Variants in RPL9 observed in about 807,000 individuals in gnomAD.
The protein encoded by RPL9 is large ribosomal subunit protein uL6.
For missense variants in RPL9, 149 were observed against 236.7 expected, an observed-to-expected ratio of 0.63 and a Z score of 2.43; for synonymous variants, 82 against 77.1, an observed-to-expected ratio of 1.06 and a Z score of -0.33.
rs1428032893 is a variant in RPL9, at chr4:39,454,907, T to C, written c.429A>G (p.Glu143=). 3.1e-6 allele frequency: 5 copies of C among 1,613,990 alleles called. No individual in the cohort carries two copies. The highest frequency in any genetic ancestry group is 4.2e-6 in the Non-Finnish European group (5 of 1,180,012). The change falls in exon 6 of 8, where the codon GAA becomes GAG. Residue 143 remains glutamate (E), a synonymous_variant. Transcript: ENST00000295955. ...ACSVSQAQKD[E]LILEGNDIEL... ...CAATGTCATTTCCTTCAAGGATTAA[T>C]TCATCTTTCTGGGCTTGAGATACTG...
chr4:39,456,624 T>G, intron 4 of RPL9, 86 bp from the exon 5 acceptor site: 4 of 1,438,594 alleles, frequency 2.8e-6, no homozygotes, highest in Non-Finnish European at 3.8e-6. Context: ...TTATACTTAT[T>G]TTAAAACGTA....
intron 4 of RPL9, 110 bp from the exon 5 acceptor site, chr4:39,456,648 A>G: frequency 8.5e-7 from 1 of 1,181,592 alleles, no homozygotes; most frequent in Non-Finnish European, 1.2e-6. Context: ...CTCACTGCCA[A>G]GATTTTCTAA....
rs1744203507 is a variant in RPL9 at position 39,458,280 on chromosome 4, T to C, written c.76A>G (p.Ile26Val). The change falls in exon 3 of 8, where the codon ATC (isoleucine) becomes GTC (valine). Residue 26 changes from isoleucine to valine, a missense_variant. Ile to Val is a conservative substitution (Grantham distance 29). Coordinates refer to ENST00000295955, the MANE Select transcript of RPL9 (RefSeq NM_000661.5). ...AGGGTTCCTCTGGGGCCCTTCACGA[T>C]AACTGTGCGTCCCTTCAGAGTAATG... is the stretch of plus-strand genomic sequence containing the variant. ...VDITLKGRTVIVKGPRGTLRR... is the reference protein window; with the variant it reads ...VDITLKGRTVVVKGPRGTLRR... 6.2e-7 allele frequency: 1 copy of C among 1,614,002 alleles called. No homozygotes were observed. Among genetic ancestry groups the C allele is most frequent in the African/African-American group, 1.3e-5 (1 of 74,880 alleles).
chr4:39,458,455 C>CTGGGGG lies in RPL9; in HGVS notation c.-1-21_-1-16dup. 6.2e-7 allele frequency: 1 copy of CTGGGGG among 1,613,986 alleles called. No individual in the cohort carries two copies. Among genetic ancestry groups the CTGGGGG allele is most frequent in the East Asian group, 2.2e-5 (1 of 44,890 alleles). ...TAGTCTTCATTCTGAAACACAAACA[C>CTGGGGG]TGGGGGTGAGGCCGACGCAAGGCCC... On this transcript the variant is annotated splice_polypyrimidine_tract_variant and intron_variant, in intron 1 of 7. Transcript: ENST00000295955.
At chr4:39,454,423 G>T in intron 7 of RPL9, 110 bp downstream of exon 7, 1 of 797,668 alleles carries the variant, frequency 1.3e-6, no homozygotes, top group Non-Finnish European at 2.0e-6. Flanking sequence ...GTTCCAGAAT[G>T]CTTAACTCTC....
At chr4:39,457,995 A>G in intron 3 of RPL9, 199 bp downstream of exon 3, 1 of 706,274 alleles carries the variant, frequency 1.4e-6, no homozygotes, top group Non-Finnish European at 2.6e-6. Flanking sequence ...GATGACCACT[A>G]TTACATTTGA....
intron 5 of RPL9, among the ~76,000 whole-genome samples, chr4:39,455,597 AAC>A (rs1371953622): frequency 6.6e-6 from 1 of 151,830 alleles, no homozygotes; most frequent in Non-Finnish European, 1.5e-5. Context: ...AACGTGGCGA[AAC>A]AGTCTCTACA....
intron 5 of RPL9, chr4:39,455,284 GTTTATT>G (rs1744041256): frequency 5.3e-6 from 1 of 188,456 alleles, no homozygotes; most frequent in African/African-American, 2.4e-5. Flanking sequence ...GGAGGCAGGG[GTTTATT>G]TTTAACATAA....
intron 5 of RPL9, among the ~76,000 whole-genome samples, chr4:39,455,595 G>T (rs534078659): frequency 6.6e-6 from 1 of 151,826 alleles, no homozygotes; most frequent in Non-Finnish European, 1.5e-5. Flanking sequence ...GCAACGTGGC[G>T]AAACAGTCTC....
rs1310364156 is a variant in RPL9, at chr4:39,458,317, A to G, written c.47-8T>C. The G allele has an allele frequency of 6.2e-7, 1 of 1,614,092 alleles. No individual in the cohort carries two copies. ...CCTTCAGAGTAATGTCGACTAGAAG[A>G]GAGAACACACTCGTCAGGCCACACA... On this transcript the variant is annotated splice_region_variant and splice_polypyrimidine_tract_variant and intron_variant, in intron 2 of 7. Transcript: ENST00000295955.
At chr4:39,457,224 CTT>C (rs1744125724) in intron 4 of RPL9, 1 of 171,270 alleles carries the variant, frequency 5.8e-6, no homozygotes, top group East Asian at 1.6e-4. Flanking sequence ...CATTAGCCTA[CTT>C]TTTAAAAGTT....
rs202000648 is a variant in RPL9 at position 39,456,418 on chromosome 4, G to T, written c.379C>A (p.Arg127=). Residue 127 remains arginine, a synonymous_variant, in exon 5 of 8, where the codon CGG becomes AGG. Coordinates refer to ENST00000295955, the MANE Select transcript of RPL9 (RefSeq NM_000661.5). ...GGTATGCACATACCTGGTCTCATCC[G>T]AACCCTGCGGATATATTTTTCACCC... ...FLGEKYIRRV[R]MRPGVACSVS... The T allele has an allele frequency of 6.2e-7, 1 of 1,613,962 alleles. No homozygotes were observed. Among genetic ancestry groups the T allele is most frequent in the African/African-American group, 1.3e-5 (1 of 75,014 alleles).
At chr4:39,456,213 G>T (rs936225783) in intron 5 of RPL9, 193 bp downstream of exon 5, 3 of 628,618 alleles carry the variant, frequency 4.8e-6, no homozygotes, top group Middle Eastern at 2.8e-4. Context: ...AATTGTAATC[G>T]ACATAATGAT....
Position 39,454,194 on chromosome 4 carries a change from TC to T in RPL9, c.*41del, listed in dbSNP as rs768511855. 6 of 175,816 alleles carry T rather than the reference TC, an allele frequency of 3.4e-5. No individual in the cohort carries two copies. Among genetic ancestry groups the T allele is most frequent in the Non-Finnish European group, 7.3e-5 (6 of 82,650 alleles). The allele number at this position is 175,816 out of a possible 1,614,324, so 10.9% of individuals were successfully genotyped here. A position where few individuals can be genotyped will look rare whatever the true frequency, so the allele number is the denominator to read the frequency against. On this transcript the variant is annotated 3_prime_UTR_variant, in exon 8 of 8. Coordinates refer to ENST00000295955, the MANE Select transcript of RPL9 (RefSeq NM_000661.5). The stretch of plus-strand genomic sequence containing the variant: ...AAATATCACAAGTAGGTCTTAAGTG[TC>T]ATCTGGCATCTTCTTTCTGTAGCCA...
intron 5 of RPL9, chr4:39,456,079 T>C (rs1744074283): frequency 2.9e-6 from 1 of 346,068 alleles, no homozygotes; most frequent in African/African-American, 2.1e-5. Context: ...AACATCACAT[T>C]GTGCTCCATA....
At position 39,454,955 on chromosome 4, in the gene RPL9, A is replaced by G. The variant is rs199846676; in HGVS notation, c.392-11T>C. On this transcript the variant is annotated splice_polypyrimidine_tract_variant and intron_variant, in intron 5 of 7. Transcript: ENST00000295955. ...CTGAACAAGCAACACCTAAAAGGGG[A>G]GAGGGCATTTGCACAGCATCAAATC... 34 of 1,609,550 alleles carry G rather than the reference A, an allele frequency of 2.1e-5. No individual in the cohort carries two copies. In the East Asian group the frequency reaches 6.9e-4, roughly 33 times the overall value.
intron 1 of RPL9, 130 bp downstream of exon 1, chr4:39,458,761 C>A: frequency 1.5e-6 from 1 of 675,626 alleles, no homozygotes; most frequent in Non-Finnish European, 2.7e-6. Flanking sequence ...CGCCGCCAGG[C>A]TCATATGGCG....
In RPL9 at chr4:39,457,518, CG is replaced by C. The variant is rs1744152799; in HGVS notation, c.258+67del. ...ACCCATTCTCTGAAAGAGACACTTA[CG>C]CTGTATAAAGCACAGGTTTGAGAAA... On this transcript the variant is annotated intron_variant, in intron 4 of 7. Transcript: ENST00000295955. 7.9e-6 allele frequency: 10 copies of C among 1,264,956 alleles called. No individual in the cohort carries two copies. In the Admixed American group the frequency reaches 1.3e-4, roughly 17 times the overall value. The allele number at this position is 1,264,956 out of a possible 1,614,324, so 78.4% of individuals were successfully genotyped here. A position where few individuals can be genotyped will look rare whatever the true frequency, so the allele number is the denominator to read the frequency against.
intron 3 of RPL9, 145 bp downstream of exon 3, chr4:39,458,049 C>T: frequency 1.2e-6 from 1 of 847,202 alleles, no homozygotes; most frequent in Non-Finnish European, 2.0e-6. Flanking sequence ...TTTTCAATTT[C>T]ACTGAACAGG....
Sources: gnomAD v4.1 joint callset for allele counts (sites outside exome capture counted in the v4.1 genomes callset) on GRCh38, gnomAD v4.1.1 for gene constraint, MANE v1.5 for transcripts, NCBI Gene and HGNC (gene_info 2026-07-23, HGNC 2026-07-21) for gene names.